Variants in CYP7B1 observed in about 807,000 individuals in gnomAD.
The protein encoded by CYP7B1 is cytochrome P450 family 7 subfamily B member 1, also known as cytochrome P450 7B1.
Under a neutral mutation model 42.7 loss-of-function variants are expected in CYP7B1, and 29 were observed. That is an observed-to-expected ratio of 0.68 (90% CI 0.51 to 0.93). CYP7B1 has a LOEUF of 0.93. Among genes scored for constraint, CYP7B1 ranks in the 40% least tolerant of loss-of-function variants. CYP7B1 has a pLI of 0.00. For synonymous variants in CYP7B1, 235 were observed against 218.2 expected (o/e 1.08, Z -0.68); for missense variants, 655 against 600.5 (o/e 1.09, Z -0.95).
chr8:64,774,313 C>T (rs1804285343), intron 1 of CYP7B1, among the ~76,000 whole-genome samples: 1 of 152,148 alleles, frequency 6.6e-6, no homozygotes, highest in African/African-American at 2.4e-5. Flanking sequence ...GCTAACAAAG[C>T]ATGTATATAG....
At chr8:64,779,735 A>G (rs1208339812) in intron 1 of CYP7B1, among the ~76,000 whole-genome samples, 1 of 152,154 alleles carries the variant, frequency 6.6e-6, no homozygotes, top group African/African-American at 2.4e-5. Context: ...AGTCTTTTAA[A>G]TGGTTTATGA....
chr8:64,723,070 C>T lies in CYP7B1; in HGVS notation c.122+75396G>A, dbSNP rs1807270664. Reference sequence around the variant, plus strand: ...CAATCATTAGCCCTGAATCAGTAGTCTTTAAAGTAAATTTAAATAAATGTC... The same window carrying T: ...CAATCATTAGCCCTGAATCAGTAGTTTTTAAAGTAAATTTAAATAAATGTC... On this transcript the variant is annotated intron_variant, in intron 1 of 5. Coordinates refer to ENST00000310193, the MANE Select transcript of CYP7B1 (RefSeq NM_004820.5). Among the ~76,000 whole-genome samples, 4 of 152,092 alleles carry T rather than the reference C, an allele frequency of 2.6e-5. No individual in the cohort carries two copies. The South Asian group carries it at 8.3e-4, about 31-fold the overall frequency.
At chr8:64,762,960 AC>A (rs918001665) in intron 1 of CYP7B1, among the ~76,000 whole-genome samples, 2 of 152,216 alleles carry the variant, frequency 1.3e-5, no homozygotes, top group Admixed American at 6.5e-5. Context: ...TTTATGGGCA[AC>A]CCCCTTTGGG....
At chr8:64,601,755 T>C (rs1442256904) in intron 5 of CYP7B1, among the ~76,000 whole-genome samples, 2 of 152,196 alleles carry the variant, frequency 1.3e-5, no homozygotes, top group African/African-American at 4.8e-5. Flanking sequence ...AGCCTATTTT[T>C]TCAGGTTATT....
chr8:64,627,270 C>T (rs545675419), intron 1 of CYP7B1, among the ~76,000 whole-genome samples: 4 of 152,114 alleles, frequency 2.6e-5, no homozygotes, highest in African/African-American at 9.6e-5. Context: ...TATAAGAAAA[C>T]CAAAAAAACC....
intron 1 of CYP7B1, among the ~76,000 whole-genome samples, chr8:64,659,235 C>T (rs1380953288): frequency 2.0e-5 from 3 of 151,598 alleles, no homozygotes; most frequent in Non-Finnish European, 4.4e-5. Context: ...TAATTGACTA[C>T]AATAAAAACT....
At chr8:64,765,039 G>C (rs1807950649) in intron 1 of CYP7B1, among the ~76,000 whole-genome samples, 1 of 151,480 alleles carries the variant, frequency 6.6e-6, no homozygotes, top group Non-Finnish European at 1.5e-5. Context: ...TAGAAGCAGA[G>C]TTAGGAAAAT....
chr8:64,686,396 G>A (rs1585855715), intron 1 of CYP7B1, among the ~76,000 whole-genome samples: 2 of 36,200 alleles, frequency 5.5e-5, no homozygotes, highest in Non-Finnish European at 5.9e-5. Context: ...CCCCGTCCGG[G>A]AGGGAGGTGG....
intron 1 of CYP7B1, among the ~76,000 whole-genome samples, chr8:64,798,063 C>T (rs1345910227): frequency 2.6e-5 from 4 of 152,226 alleles, no homozygotes; most frequent in African/African-American, 9.6e-5. Context: ...ACACCATGCA[C>T]TGGCATTTTC....
At chr8:64,785,848 T>A (rs1804517631) in intron 1 of CYP7B1, among the ~76,000 whole-genome samples, 1 of 152,026 alleles carries the variant, frequency 6.6e-6, no homozygotes, top group Non-Finnish European at 1.5e-5. Flanking sequence ...GAAAAGAGGT[T>A]TAATTGACGC....
chr8:64,597,065 G>A, intron 5 of CYP7B1, 136 bp from the exon 6 acceptor site: 1 of 695,106 alleles, frequency 1.4e-6, no homozygotes. Flanking sequence ...ACTTGGCTGA[G>A]TGCAAATTAA....
intron 1 of CYP7B1, among the ~76,000 whole-genome samples, chr8:64,780,239 A>C (rs960764109): frequency 1.3e-5 from 2 of 152,160 alleles, no homozygotes; most frequent in African/African-American, 4.8e-5. Flanking sequence ...TATTGGAAAA[A>C]GATAACAATT....
chr8:64,652,893 C>T (rs1349271649), intron 1 of CYP7B1, among the ~76,000 whole-genome samples: 1 of 151,950 alleles, frequency 6.6e-6, no homozygotes, highest in Non-Finnish European at 1.5e-5. Context: ...CAACAACATG[C>T]TCCCTTTTGG....
At chr8:64,586,621 A>C (rs1212450289), downstream of CYP7B1, among the ~76,000 whole-genome samples, 4 of 152,214 alleles carry the variant, frequency 2.6e-5, no homozygotes, top group Non-Finnish European at 5.9e-5. Flanking sequence ...CGTGATTCAC[A>C]TGGAAAGCAG....
chr8:64,771,627 CT>C (rs1322363866), intron 1 of CYP7B1, among the ~76,000 whole-genome samples: 2 of 152,296 alleles, frequency 1.3e-5, no homozygotes, highest in African/African-American at 4.8e-5. Context: ...CCTCAGGGGT[CT>C]TTTGATCCCT....
At chr8:64,610,625 C>A (rs954295637) in intron 4 of CYP7B1, among the ~76,000 whole-genome samples, 1 of 151,980 alleles carries the variant, frequency 6.6e-6, no homozygotes, top group African/African-American at 2.4e-5. Context: ...TTCTATAAAT[C>A]TAAAACTATT....
At chr8:64,590,316 C>T (rs942479187), downstream of CYP7B1, among the ~76,000 whole-genome samples, 5 of 152,146 alleles carry the variant, frequency 3.3e-5, no homozygotes, top group East Asian at 5.8e-4. Context: ...AAATACTGTA[C>T]GTAGGGTTAC....
At chr8:64,738,973 C>A (rs1485461861) in intron 1 of CYP7B1, among the ~76,000 whole-genome samples, 1 of 152,176 alleles carries the variant, frequency 6.6e-6, no homozygotes. Flanking sequence ...CCTCCAGGAA[C>A]CCTGCCATGT....
intron 1 of CYP7B1, among the ~76,000 whole-genome samples, chr8:64,757,832 T>G (rs1458954586): frequency 6.6e-6 from 1 of 152,226 alleles, no homozygotes; most frequent in Non-Finnish European, 1.5e-5. Context: ...CCCACAGAAC[T>G]GCCTTCATCC....
Sources: allele counts gnomAD v4.1 joint callset (sites outside exome capture counted in the v4.1 genomes callset), GRCh38; gene constraint gnomAD v4.1.1; transcripts MANE v1.5; gene names NCBI Gene and HGNC (gene_info 2026-07-23, HGNC 2026-07-21).